Variants in NLGN1 observed in about 807,000 individuals in gnomAD.
The protein encoded by NLGN1 is neuroligin 1.
NLGN1 carries 12 observed loss-of-function variants against 65.5 expected under a neutral mutation model. The ratio of observed to expected loss-of-function variants is 0.18; its 90% confidence interval spans 0.12 to 0.30. The LOEUF is 0.30. NLGN1 is among the 10% of genes least tolerant of loss of function. The pLI is 1.00. For synonymous variants in NLGN1, 350 were observed against 359.5 expected, an observed-to-expected ratio of 0.97 and a Z score of 0.30; for missense variants, 750 against 1,007.1, an observed-to-expected ratio of 0.74 and a Z score of 3.46.
intron 4 of NLGN1, among the ~76,000 whole-genome samples, chr3:173,998,662 A>G (rs1337117784): frequency 6.6e-6 from 1 of 152,200 alleles, no homozygotes; most frequent in African/African-American, 2.4e-5. Flanking sequence ...CTTTCTTCTC[A>G]GGAGGCAATA....
intron 4 of NLGN1, among the ~76,000 whole-genome samples, chr3:173,978,059 A>G (rs767182830): frequency 5.9e-5 from 9 of 152,090 alleles, no homozygotes; most frequent in East Asian, 1.9e-4. Flanking sequence ...GAAAATATCA[A>G]TGATGTCAGT....
At chr3:174,077,745 G>A (rs1347106224) in intron 4 of NLGN1, among the ~76,000 whole-genome samples, 1 of 151,906 alleles carries the variant, frequency 6.6e-6, no homozygotes, top group Non-Finnish European at 1.5e-5. Context: ...TAGTAGAGAC[G>A]GGGTTTCACC....
chr3:174,195,641 T>C (rs1733269898), intron 4 of NLGN1, among the ~76,000 whole-genome samples: 1 of 152,188 alleles, frequency 6.6e-6, no homozygotes, highest in Non-Finnish European at 1.5e-5. Flanking sequence ...GAAGTGTCTG[T>C]GCACAAGAAA....
At chr3:173,620,686 A>T (rs1315809753) in intron 3 of NLGN1, among the ~76,000 whole-genome samples, 2 of 152,144 alleles carry the variant, frequency 1.3e-5, no homozygotes, top group East Asian at 3.9e-4. Context: ...TTATTGAGTC[A>T]TCTTTTAAAA....
Position 173,879,858 on chromosome 3 carries a change from C to T in NLGN1, c.646+72026C>T, listed in dbSNP as rs146373063. 2.1e-4 allele frequency among the ~76,000 whole-genome samples: 32 copies of T among 152,152 alleles called. No individual in the cohort carries two copies. The East Asian group carries it at 3.3e-3, about 16-fold the overall frequency. On this transcript the variant is annotated intron_variant, in intron 4 of 6. Coordinates refer to ENST00000457714, the Ensembl canonical transcript of NLGN1. ...AGTTGTTCCAATAGGAGCCACTTAG[C>T]CATGATGAGAAACAAAATTTCATGT...
At chr3:174,092,518 T>TAA (rs199785823) in intron 4 of NLGN1, among the ~76,000 whole-genome samples, 3 of 149,316 alleles carry the variant, frequency 2.0e-5, no homozygotes, top group African/African-American at 5.0e-5. Context: ...TTGGCAATTA[T>TAA]TAAAAAAAAA....
At chr3:173,939,138 A>C (rs1426631716) in intron 4 of NLGN1, among the ~76,000 whole-genome samples, 2 of 152,192 alleles carry the variant, frequency 1.3e-5, no homozygotes, top group Non-Finnish European at 2.9e-5. Flanking sequence ...AAAATCAATT[A>C]ATGTACGTAG....
At chr3:174,089,822 T>G (rs1576814218) in intron 4 of NLGN1, among the ~76,000 whole-genome samples, 3 of 152,122 alleles carry the variant, frequency 2.0e-5, no homozygotes, top group Middle Eastern at 6.8e-3. Context: ...AGAATTTCTA[T>G]GGCAAATTCA....
At chr3:173,754,029 T>C (rs1376647390) in intron 3 of NLGN1, among the ~76,000 whole-genome samples, 7 of 146,502 alleles carry the variant, frequency 4.8e-5, no homozygotes, top group South Asian at 2.1e-4. Flanking sequence ...CTTTTCTTTT[T>C]TTTTTTTTGT....
rs148685977 is a variant in NLGN1, at chr3:174,248,525, C to T, written c.647-26790C>T. Among the ~76,000 whole-genome samples the T allele has an allele frequency of 6.6e-3, 1,006 of 152,198 alleles. 11 individuals are homozygous for T. The highest frequency in any genetic ancestry group is 0.023 in the African/African-American group (964 of 41,542). ...CTGTAATCCCAGCACTTTGGGAGGC[C>T]GAGGCAGGCGGATCACCTGAGGCTG... On this transcript the variant is annotated intron_variant, in intron 4 of 6. Coordinates refer to ENST00000457714, the Ensembl canonical transcript of NLGN1.
At chr3:174,005,981 C>T (rs974094147) in intron 4 of NLGN1, among the ~76,000 whole-genome samples, 4 of 152,094 alleles carry the variant, frequency 2.6e-5, no homozygotes, top group African/African-American at 7.2e-5. Context: ...TACTGTACTT[C>T]TCTCTACTAC....
At position 173,903,582 on chromosome 3, in the gene NLGN1, T is replaced by C. The variant is rs138182431; in HGVS notation, c.646+95750T>C. On this transcript the variant is annotated intron_variant, in intron 4 of 6. Coordinates refer to ENST00000457714, the Ensembl canonical transcript of NLGN1. ...AGAGGTGACAGATGGAAGCTGCAGA[T>C]TGGGAAGAAGTGATTAAACAGTGAG... is the stretch of plus-strand genomic sequence containing the variant. Among the ~76,000 whole-genome samples the C allele has an allele frequency of 6.4e-4, 97 of 152,212 alleles. 2 individuals are homozygous for C. The East Asian group carries it at 0.016, about 25-fold the overall frequency.
intron 1 of NLGN1, among the ~76,000 whole-genome samples, chr3:173,422,551 G>GT (rs1390804349): frequency 2.0e-5 from 3 of 152,064 alleles, no homozygotes; most frequent in Non-Finnish European, 4.4e-5. Context: ...CTATTATACT[G>GT]TTTTTCTATA....
chr3:173,759,169 C>G (rs1204240684), intron 3 of NLGN1, among the ~76,000 whole-genome samples: 1 of 151,844 alleles, frequency 6.6e-6, no homozygotes, highest in Non-Finnish European at 1.5e-5. Flanking sequence ...ATTAAATACA[C>G]ACACACACCC....
chr3:173,977,802 T>A (rs769330460), intron 4 of NLGN1, among the ~76,000 whole-genome samples: 2 of 151,978 alleles, frequency 1.3e-5, no homozygotes, highest in Non-Finnish European at 2.9e-5. Flanking sequence ...CTCAAAAGAG[T>A]ATTATGGCCT....
chr3:173,624,104 C>T (rs1754450833), intron 3 of NLGN1, among the ~76,000 whole-genome samples: 1 of 152,068 alleles, frequency 6.6e-6, no homozygotes, highest in Non-Finnish European at 1.5e-5. Context: ...CCCAAGGCTT[C>T]CTGTTCTGGC....
intron 3 of NLGN1, among the ~76,000 whole-genome samples, chr3:173,770,494 C>T (rs1187154788): frequency 6.6e-6 from 1 of 151,988 alleles, no homozygotes; most frequent in Non-Finnish European, 1.5e-5. Flanking sequence ...GTTGCTACCC[C>T]CTGATATTTT....
intron 2 of NLGN1, among the ~76,000 whole-genome samples, chr3:173,489,606 G>T (rs1473074156): frequency 6.6e-6 from 1 of 152,102 alleles, no homozygotes; most frequent in East Asian, 1.9e-4. Context: ...ACCCAGTAAT[G>T]GGATGGCTGG....
intron 2 of NLGN1, among the ~76,000 whole-genome samples, chr3:173,574,112 T>G (rs1233740903): frequency 6.7e-6 from 1 of 149,966 alleles, no homozygotes; most frequent in Non-Finnish European, 1.5e-5. Flanking sequence ...AACATTGCCA[T>G]TATATCATGA....
Sources: gnomAD v4.1 joint callset for allele counts (sites outside exome capture counted in the v4.1 genomes callset) on GRCh38, gnomAD v4.1.1 for gene constraint, MANE v1.5 for transcripts, NCBI Gene and HGNC (gene_info 2026-07-23, HGNC 2026-07-21) for gene names.